The following AKAP12 variants were observed in gnomAD, a reference collection of about 807,000 sequenced individuals.
AKAP12 encodes the protein A-kinase anchor protein 12.
In AKAP12, 32 loss-of-function variants were observed where a neutral mutation model predicts 79.9. The ratio of observed to expected loss-of-function variants is 0.40; its 90% CI spans 0.30 to 0.54. The LOEUF (loss-of-function observed/expected upper bound fraction) is 0.54. Among genes scored for constraint, AKAP12 ranks in the 20% least tolerant of loss-of-function variants. The pLI, the probability that AKAP12 is intolerant of heterozygous loss-of-function variation, is 0.48. For missense variants in AKAP12, 2,074 were observed against 2,177.0 expected, an observed-to-expected ratio of 0.95 and a Z score of 0.94; for synonymous variants, 808 against 857.0, an observed-to-expected ratio of 0.94 and a Z score of 1.00.
At chr6:151,318,775 A>C (rs981952388) in intron 3 of AKAP12, among the ~76,000 whole-genome samples, 2 of 152,050 alleles carry the variant, frequency 1.3e-5, no homozygotes, top group African/African-American at 4.8e-5. Flanking sequence ...GTCTCTACAA[A>C]AAAATAAAAA....
chr6:151,290,885 C>T (rs541273732), intron 2 of AKAP12, among the ~76,000 whole-genome samples: 4 of 152,324 alleles, frequency 2.6e-5, no homozygotes, highest in East Asian at 3.9e-4. Flanking sequence ...GCTGGGATTA[C>T]AGGCGTGAGC....
intron 2 of AKAP12, among the ~76,000 whole-genome samples, chr6:151,269,698 A>G (rs1023225020): frequency 1.1e-4 from 16 of 152,232 alleles, no homozygotes; most frequent in African/African-American, 3.9e-4. Context: ...AAAAGTATTA[A>G]TTCTTCCAGG....
At position 151,298,265 on chromosome 6, in the gene AKAP12, G is replaced by T. The variant is rs577656302; in HGVS notation, c.163-7482G>T. Reference sequence around the variant, plus strand: ...TCCTAGAAAATCAGAAGGATTAGATGCCTTTGCCATTTGCCAGGTGTTATT... The same window carrying T: ...TCCTAGAAAATCAGAAGGATTAGATTCCTTTGCCATTTGCCAGGTGTTATT... On this transcript the variant is annotated intron_variant, in intron 2 of 4. Transcript: ENST00000402676. 2.6e-5 allele frequency among the ~76,000 whole-genome samples: 4 copies of T among 152,274 alleles called. 1 individual carries two copies. In the South Asian group the frequency reaches 8.3e-4, roughly 32 times the overall value.
intron 2 of AKAP12, among the ~76,000 whole-genome samples, chr6:151,256,385 G>A (rs1302466141): frequency 6.6e-6 from 1 of 152,182 alleles, no homozygotes; most frequent in East Asian, 1.9e-4. Context: ...GAAGGCTTTA[G>A]TAGTATTTTG....
At chr6:151,343,709 A>G (rs1184226975) in intron 3 of AKAP12, among the ~76,000 whole-genome samples, 1 of 152,144 alleles carries the variant, frequency 6.6e-6, no homozygotes, top group East Asian at 1.9e-4. Flanking sequence ...GCTTGAACCC[A>G]GGAGGCGGAG....
intron 3 of AKAP12, among the ~76,000 whole-genome samples, chr6:151,310,985 T>C (rs1192172051): frequency 6.6e-6 from 1 of 152,176 alleles, no homozygotes; most frequent in African/African-American, 2.4e-5. Flanking sequence ...AGTTTTTTTT[T>C]TAAAGAGGCC....
At chr6:151,341,939 C>T (rs1777961478) in intron 3 of AKAP12, among the ~76,000 whole-genome samples, 1 of 152,242 alleles carries the variant, frequency 6.6e-6, no homozygotes, top group African/African-American at 2.4e-5. Flanking sequence ...TGATCTTGCC[C>T]CAGCCCCCAG....
intron 2 of AKAP12, among the ~76,000 whole-genome samples, chr6:151,266,959 G>A (rs532472797): frequency 2.1e-5 from 3 of 144,512 alleles, no homozygotes; most frequent in South Asian, 4.4e-4. Flanking sequence ...GGAGCCTGCC[G>A]TGAGCCGAGA....
intron 2 of AKAP12, among the ~76,000 whole-genome samples, chr6:151,275,788 G>A (rs776028091): frequency 1.3e-5 from 2 of 152,148 alleles, no homozygotes; most frequent in Non-Finnish European, 2.9e-5. Context: ...TGACTTAGCC[G>A]CCAAGTGGTG....
At chr6:151,246,788 C>A (rs1337178595) in intron 2 of AKAP12, among the ~76,000 whole-genome samples, 1 of 152,058 alleles carries the variant, frequency 6.6e-6, no homozygotes, top group Non-Finnish European at 1.5e-5. Flanking sequence ...TTGAGATAGG[C>A]TCTCATTCTG....
rs764617926 is a variant in AKAP12, at chr6:151,271,749, TC to T, written c.162+31028del. Reference sequence around the variant, plus strand: ...ATTTCGGCTCACTGCAACCTCTGCCTCCCGGGTTCAAGTGATTCTCATGTCT... The same window carrying T: ...ATTTCGGCTCACTGCAACCTCTGCCTCCGGGTTCAAGTGATTCTCATGTCT... On this transcript the variant is annotated intron_variant, in intron 2 of 4. Coordinates refer to ENST00000402676, the MANE Select transcript of AKAP12 (RefSeq NM_005100.4). 7.2e-5 allele frequency among the ~76,000 whole-genome samples: 11 copies of T among 152,244 alleles called. No homozygotes were observed. In the East Asian group the frequency reaches 1.9e-3, roughly 27 times the overall value.
chr6:151,308,460 G>A (rs1483365532), intron 3 of AKAP12, among the ~76,000 whole-genome samples: 2 of 152,050 alleles, frequency 1.3e-5, no homozygotes, highest in Admixed American at 6.6e-5. Context: ...TGATCCGCCC[G>A]CCTCAGCCTC....
At chr6:151,308,620 C>T (rs1022501107) in intron 3 of AKAP12, among the ~76,000 whole-genome samples, 1 of 152,158 alleles carries the variant, frequency 6.6e-6, no homozygotes, top group Non-Finnish European at 1.5e-5. Context: ...AGGCTACCCA[C>T]CAGAGGTGTT....
chr6:151,350,692 G>A lies in AKAP12; in HGVS notation c.2301G>A (p.Thr767=), dbSNP rs748076752. The A allele has an allele frequency of 3.2e-5, 52 of 1,613,504 alleles. No homozygotes were observed. In the Admixed American group the frequency reaches 3.5e-4, roughly 11 times the overall value. The change falls in exon 4 of 5, where the codon ACG becomes ACA. Residue 767 remains threonine, a synonymous_variant. Coordinates refer to ENST00000402676, the MANE Select transcript of AKAP12 (RefSeq NM_005100.4). This position sits in a 1 kb window ranked among gnomAD's most constrained non-coding sequence, Gnocchi z 4.8. The part of the protein sequence containing the change: ...STWESFKRLV[T]PRKKSKSKLE... ...GGGAGTCATTTAAAAGGTTAGTCAC[G>A]CCAAGAAAAAAATCAAAGTCCAAGC...
At chr6:151,347,384 C>T (rs1282793089) in intron 3 of AKAP12, among the ~76,000 whole-genome samples, 1 of 152,172 alleles carries the variant, frequency 6.6e-6, no homozygotes, top group Non-Finnish European at 1.5e-5. Flanking sequence ...GTTCCTCAAA[C>T]CCTATATTTC....
At position 151,324,372 on chromosome 6, in the gene AKAP12, G is replaced by T. The variant is rs921769560; in HGVS notation, c.319+18469G>T. 24 of 985,278 alleles carry T rather than the reference G, an allele frequency of 2.4e-5. 3 individuals are homozygous for T. In the Admixed American group the frequency reaches 9.8e-4, roughly 40 times the overall value. 61.0% of individuals were successfully genotyped at this position (985,278 alleles called of 1,614,324 possible). The stretch of plus-strand genomic sequence containing the variant: ...AGGTCTGGTTACCAGCAAGGAAGCG[G>T]TTTTCACGTTGCTCACTCTGGGCCC... On this transcript the variant is annotated intron_variant, in intron 3 of 4. Transcript: ENST00000402676.
intron 2 of AKAP12, among the ~76,000 whole-genome samples, chr6:151,277,699 T>G (rs1448842456): frequency 6.6e-6 from 1 of 152,238 alleles, no homozygotes. Flanking sequence ...TAAATCCCAT[T>G]TTTTATTTAG....
At chr6:151,307,639 C>T (rs1450438909) in intron 3 of AKAP12, among the ~76,000 whole-genome samples, 1 of 152,134 alleles carries the variant, frequency 6.6e-6, no homozygotes, top group Non-Finnish European at 1.5e-5. Flanking sequence ...CTTTTTTAAT[C>T]TGTGGCATGT....
At chr6:151,271,218 G>A (rs781531497) in intron 2 of AKAP12, among the ~76,000 whole-genome samples, 4 of 151,860 alleles carry the variant, frequency 2.6e-5, no homozygotes, top group Non-Finnish European at 5.9e-5. Flanking sequence ...TTTAGAGTAA[G>A]TTTTAGATAT....
Sources: gnomAD v4.1 joint callset for allele counts (sites outside exome capture counted in the v4.1 genomes callset) on GRCh38, gnomAD v4.1.1 for gene constraint, Gnocchi (gnomAD v3.1) non-coding constraint, MANE v1.5 for transcripts, NCBI Gene and HGNC (gene_info 2026-07-23, HGNC 2026-07-21) for gene names.